TG: variants seen among roughly 807,000 people sequenced by gnomAD.
The protein encoded by TG is thyroglobulin.
A neutral mutation model predicts 324.7 loss-of-function variants in TG; 270 were observed. The ratio of observed to expected loss-of-function variants is 0.83; its 90% CI spans 0.75 to 0.92. The LOEUF (loss-of-function observed/expected upper bound fraction) is 0.92, where lower values mean the gene tolerates loss of function less well. Among genes scored for constraint, TG ranks in the 40% least tolerant of loss-of-function variants. The probability of loss-of-function intolerance (pLI) is 0.00; values close to 1 mark genes in which losing one functional copy is unlikely to be tolerated. For synonymous variants in TG, 1,401 were observed against 1,327.0 expected, an observed-to-expected ratio of 1.06 and a Z score of -1.21; for missense variants, 3,591 against 3,456.4, an observed-to-expected ratio of 1.04 and a Z score of -0.98.
At chr8:132,952,045 T>A (rs921193693) in intron 27 of TG, among the ~76,000 whole-genome samples, 8 of 152,280 alleles carry the variant, frequency 5.3e-5, no homozygotes, top group Admixed American at 5.2e-4. Flanking sequence ...GGCCTCTTCA[T>A]CCCAGTTTAA....
rs752529458 is a variant in TG, at chr8:132,941,381, G to T, written c.5072G>T (p.Arg1691Leu). ...GGATCCACCACAACACTTCAGAAAC[G>T]CTTTGAACCCACTGGTTTCCAAAAC... ...GQGSTTTLQK[R>L]FEPTGFQNML... Residue 1691 changes from arginine to leucine, a missense_variant, in exon 26 of 48, where the codon CGC becomes CTC. Transcript: ENST00000220616. The T allele has an allele frequency of 1.9e-6, 3 of 1,614,056 alleles. No homozygotes were observed. Among genetic ancestry groups the T allele is most frequent in the African/African-American group, 2.7e-5 (2 of 74,906 alleles).
chr8:133,102,951 C>G (rs1419757478), intron 43 of TG: 1 of 255,168 alleles, frequency 3.9e-6, no homozygotes, highest in Non-Finnish European at 7.9e-6. Context: ...GAAAGCAGCA[C>G]CTGGCAGCCC....
intron 43 of TG, among the ~76,000 whole-genome samples, chr8:133,097,017 C>T (rs1489053365): frequency 6.6e-6 from 1 of 152,180 alleles, no homozygotes; most frequent in Non-Finnish European, 1.5e-5. Flanking sequence ...CTGCCCACCC[C>T]ACCCTGCCTT....
chr8:132,881,908 C>T lies in TG; in HGVS notation c.684C>T (p.Phe228=), dbSNP rs776674941. The part of the protein sequence containing the change: ...FVTFSSFQRR[F]PEVSGYCHCA... The stretch of plus-strand genomic sequence containing the variant: ...CCTTCAGTTCCTTCCAGAGGAGGTT[C>T]CCTGAGGTATCTGGGTATTGCCACT... Residue 228 remains phenylalanine (F), a synonymous_variant, in exon 6 of 48, where the codon TTC becomes TTT. Coordinates refer to ENST00000220616, the MANE Select transcript of TG (RefSeq NM_003235.5). 4.3e-6 allele frequency: 7 copies of T among 1,614,172 alleles called. No individual in the cohort carries two copies. In the South Asian group the frequency reaches 5.5e-5, roughly 13 times the overall value.
chr8:133,050,438 C>T (rs1316841009), intron 41 of TG: 1 of 244,610 alleles, frequency 4.1e-6, no homozygotes, highest in Non-Finnish European at 8.0e-6. Flanking sequence ...GGAGAGAAGG[C>T]AAATTTTTGT....
At chr8:133,018,139 C>A in intron 38 of TG, 142 bp downstream of exon 38, 1 of 851,910 alleles carries the variant, frequency 1.2e-6, no homozygotes, top group Non-Finnish European at 1.9e-6. Flanking sequence ...GCTAAGATAT[C>A]ATTAAGTGCT....
rs763149541 is a variant in TG at position 133,096,331 on chromosome 8, T to G, written c.7530T>G (p.Ser2510Arg). The change falls in exon 43 of 48, where the codon AGT becomes AGG. Residue 2510 changes from serine (S) to arginine (R), a missense_variant. Transcript: ENST00000220616. Reference protein sequence around the residue: ...LWVEVDLLIGSSQDDGLINRA... With the variant: ...LWVEVDLLIGRSQDDGLINRA... ...TAGAGGTCGATCTGCTCATTGGGAG[T>G]TCTCAGGACGACGGGCTCATCAACA... 6.2e-7 allele frequency: 1 copy of G among 1,613,978 alleles called. No homozygotes were observed. Among genetic ancestry groups the G allele is most frequent in the South Asian group, 1.1e-5 (1 of 91,066 alleles).
chr8:133,018,711 C>G (rs777270763), intron 38 of TG, among the ~76,000 whole-genome samples: 1 of 152,118 alleles, frequency 6.6e-6, no homozygotes, highest in African/African-American at 2.4e-5. Flanking sequence ...TACTGCTGCT[C>G]TTCTCCTTCC....
chr8:133,079,777 G>C (rs1431611419), intron 41 of TG, among the ~76,000 whole-genome samples: 2 of 152,158 alleles, frequency 1.3e-5, no homozygotes, highest in Non-Finnish European at 2.9e-5. Flanking sequence ...AGAAAACCAA[G>C]TGTAAGCTAA....
intron 23 of TG, among the ~76,000 whole-genome samples, chr8:132,931,957 G>A (rs1822783342): frequency 6.6e-6 from 1 of 152,144 alleles, no homozygotes; most frequent in Admixed American, 6.5e-5. Context: ...AGCCAGGCGT[G>A]ATGGTGCGTA....
chr8:132,902,992 C>T (rs1818141607), intron 16 of TG, among the ~76,000 whole-genome samples: 1 of 152,142 alleles, frequency 6.6e-6, no homozygotes, highest in Admixed American at 6.5e-5. Flanking sequence ...AAAACTGAGG[C>T]TCAGAGAGGC....
chr8:133,050,640 C>G (rs1216969169), intron 41 of TG: 3 of 587,194 alleles, frequency 5.1e-6, no homozygotes, highest in East Asian at 2.9e-5. Context: ...ATGGAAGGTT[C>G]TAGAGCACTG....
chr8:132,934,669 C>A (rs1417920802), intron 24 of TG, among the ~76,000 whole-genome samples: 1 of 152,226 alleles, frequency 6.6e-6, no homozygotes, highest in Non-Finnish European at 1.5e-5. Context: ...TTCTGCAAAG[C>A]AAGAAGAGCT....
intron 5 of TG, among the ~76,000 whole-genome samples, chr8:132,877,132 A>G (rs1813927397): frequency 6.6e-6 from 1 of 151,494 alleles, no homozygotes; most frequent in Non-Finnish European, 1.5e-5. Flanking sequence ...GCCCCCTCTT[A>G]TTTTATTTTA....
chr8:132,883,132 T>A (rs1221569875), intron 8 of TG, 133 bp downstream of exon 8: 1 of 917,652 alleles, frequency 1.1e-6, no homozygotes, highest in African/African-American at 1.7e-5. Context: ...AAGCTCAACC[T>A]GTCTGAGAAC....
intron 8 of TG, 23 bp downstream of exon 8, chr8:132,883,022 C>G: frequency 6.2e-7 from 1 of 1,609,622 alleles, no homozygotes; most frequent in Non-Finnish European, 8.5e-7. Flanking sequence ...TGGGGGCTTC[C>G]TCTTTCGGCC....
chr8:133,012,001 C>G lies in TG; in HGVS notation c.6363C>G (p.Ser2121Arg). The G allele has an allele frequency of 1.2e-6, 2 of 1,614,234 alleles. No individual in the cohort carries two copies. Among genetic ancestry groups the G allele is most frequent in the Non-Finnish European group, 1.7e-6 (2 of 1,180,038 alleles). ...DVAHVSTAAT[S>R]NFSAVRDLCL... is the part of the protein sequence containing the mutation. ...CCCATGTCAGCACTGCTGCCACCAG[C>G]AATTTCTCTGCTGTCCGAGACCTCT... Residue 2121 changes from serine (S) to arginine (R), a missense_variant, in exon 36 of 48, where the codon AGC (serine) becomes AGG (arginine). Ser to Arg is a moderately radical substitution (Grantham distance 110). Coordinates refer to ENST00000220616, the MANE Select transcript of TG (RefSeq NM_003235.5).
At chr8:132,895,902 C>G (rs1374254289) in intron 11 of TG, among the ~76,000 whole-genome samples, 1 of 152,204 alleles carries the variant, frequency 6.6e-6, no homozygotes, top group Non-Finnish European at 1.5e-5. Flanking sequence ...AGTTCCTCTC[C>G]AAGTAGCCAC....
At chr8:132,961,936 C>A (rs1478827994) in intron 28 of TG, among the ~76,000 whole-genome samples, 1 of 152,196 alleles carries the variant, frequency 6.6e-6, no homozygotes, top group East Asian at 1.9e-4. Flanking sequence ...TCCTATCAAT[C>A]CCCATTCATG....
Sources: gnomAD v4.1 joint callset for allele counts (sites outside exome capture counted in the v4.1 genomes callset) on GRCh38, gnomAD v4.1.1 for gene constraint, MANE v1.5 for transcripts, NCBI Gene and HGNC (gene_info 2026-07-23, HGNC 2026-07-21) for gene names.